TCF7L2: variants seen among roughly 807,000 people sequenced by gnomAD.
TCF7L2 encodes the protein transcription factor 7-like 2.
Under a neutral mutation model 77.9 loss-of-function variants are expected in TCF7L2, and 23 were observed. That is an observed-to-expected ratio of 0.30 (90% CI 0.21 to 0.42). The LOEUF (loss-of-function observed/expected upper bound fraction) is 0.42, where lower values mean the gene tolerates loss of function less well. TCF7L2 is among the 10% of genes least tolerant of loss of function. TCF7L2 has a pLI of 1.00. For synonymous variants in TCF7L2, 413 were observed against 340.2 expected (o/e 1.21, Z -2.36); for missense variants, 654 against 793.1 (o/e 0.82, Z 2.11).
chr10:113,054,515 T>C (rs1591068002), intron 5 of TCF7L2, among the ~76,000 whole-genome samples: 1 of 152,302 alleles, frequency 6.6e-6, no homozygotes, highest in African/African-American at 2.4e-5. Flanking sequence ...TGTCTGATTG[T>C]TCTGTCTGTT....
At chr10:113,078,858 A>C (rs1353061136) in intron 5 of TCF7L2, among the ~76,000 whole-genome samples, 1 of 146,478 alleles carries the variant, frequency 6.8e-6, no homozygotes, top group Admixed American at 6.8e-5. Flanking sequence ...TCTGAGATGG[A>C]ATTTTGCTCT....
Position 112,988,441 on chromosome 10 carries a change from G to C in TCF7L2, c.450+23817G>C, listed in dbSNP as rs536651008. Among the ~76,000 whole-genome samples, 13 of 152,278 alleles carry C rather than the reference G, an allele frequency of 8.5e-5. No homozygotes were observed. In the East Asian group the frequency reaches 2.5e-3, roughly 29 times the overall value. ...TTCTGTCTTATGTACCACTTCCCTTGGCTCAAGGCGTCCTTTTTATCTTTC... is the reference window on the plus strand; with the variant it reads ...TTCTGTCTTATGTACCACTTCCCTTCGCTCAAGGCGTCCTTTTTATCTTTC... On this transcript the variant is annotated intron_variant, in intron 4 of 13. Transcript: ENST00000627217.
At chr10:113,094,197 G>T (rs1387954223) in intron 5 of TCF7L2, among the ~76,000 whole-genome samples, 1 of 152,224 alleles carries the variant, frequency 6.6e-6, no homozygotes, top group Admixed American at 6.5e-5. Context: ...CGCTAAATTT[G>T]CCAAGCTAGA....
chr10:113,004,766 G>A (rs555670676), intron 4 of TCF7L2, among the ~76,000 whole-genome samples: 6 of 152,058 alleles, frequency 3.9e-5, no homozygotes, highest in Non-Finnish European at 5.9e-5. Context: ...TCCGCCTCCC[G>A]GGTTCAAGCG....
intron 5 of TCF7L2, among the ~76,000 whole-genome samples, chr10:113,042,393 A>G (rs1319162104): frequency 6.6e-6 from 1 of 152,138 alleles, no homozygotes. Flanking sequence ...GCTCAAGGGG[A>G]TCTGGGAATG....
chr10:113,048,176 A>C (rs1241193823), intron 5 of TCF7L2, among the ~76,000 whole-genome samples: 1 of 152,118 alleles, frequency 6.6e-6, no homozygotes, highest in Admixed American at 6.5e-5. Flanking sequence ...CTGTTTACGA[A>C]GCGTGGGAGC....
chr10:113,146,000 C>T lies in TCF7L2; in HGVS notation c.789-11C>T, dbSNP rs2069329939. ...GTTTCAAGTCTCTTACTTTGTACCC[C>T]TTCTTTGTAGGCAAGGTCAACCAGT... On this transcript the variant is annotated splice_polypyrimidine_tract_variant and intron_variant, in intron 7 of 13. Coordinates refer to ENST00000627217, the MANE Select transcript of TCF7L2 (RefSeq NM_001146274.2). 1.9e-6 allele frequency: 3 copies of T among 1,592,590 alleles called. No individual in the cohort carries two copies. The highest frequency in any genetic ancestry group is 3.3e-4 in the Middle Eastern group (2 of 6,024).
intron 4 of TCF7L2, among the ~76,000 whole-genome samples, chr10:113,018,286 CTGT>C (rs1215605442): frequency 6.6e-6 from 1 of 151,954 alleles, no homozygotes; most frequent in African/African-American, 2.4e-5. Context: ...GAGTGTTGCC[CTGT>C]TGTTCTCTGC....
intron 5 of TCF7L2, among the ~76,000 whole-genome samples, chr10:113,119,683 A>T (rs997152602): frequency 3.7e-4 from 56 of 150,288 alleles, no homozygotes; most frequent in African/African-American, 1.4e-3. Flanking sequence ...TTTTTTTTTA[A>T]AAAAACTTAT....
At chr10:113,154,397 C>G in intron 11 of TCF7L2, among the ~76,000 whole-genome samples, 1 of 152,176 alleles carries the variant, frequency 6.6e-6, no homozygotes, top group Non-Finnish European at 1.5e-5. Context: ...AATGATACCA[C>G]AGAGCGGAAT....
intron 13 of TCF7L2, among the ~76,000 whole-genome samples, chr10:113,164,596 T>TAAA (rs34634002): frequency 5.7e-5 from 8 of 141,382 alleles, no homozygotes; most frequent in Non-Finnish European, 9.2e-5. Flanking sequence ...CCCCAAATCT[T>TAAA]AAAAAAAAAA....
intron 4 of TCF7L2, among the ~76,000 whole-genome samples, chr10:113,035,521 C>T (rs775482771): frequency 2.0e-5 from 3 of 152,160 alleles, no homozygotes; most frequent in Non-Finnish European, 4.4e-5. Flanking sequence ...GGTGCAATCA[C>T]GGCTCCTGCA....
rs1454571978 is a variant in TCF7L2, at chr10:112,951,245, A to G, written c.228A>G (p.Arg76=). The G allele has an allele frequency of 6.4e-7, 1 of 1,570,818 alleles. No homozygotes were observed. The highest frequency in any genetic ancestry group is 8.6e-7 in the Non-Finnish European group (1 of 1,161,636). Residue 76 remains arginine, a synonymous_variant, in exon 2 of 14, where the codon CGA becomes CGG. Coordinates refer to ENST00000627217, the MANE Select transcript of TCF7L2 (RefSeq NM_001146274.2). ...CTCCGCCTCGCTCCGAAAGTTTCCGAGACAAATCCCGGGAAAGTTTGGAAG... is the reference window on the plus strand; with the variant it reads ...CTCCGCCTCGCTCCGAAAGTTTCCGGGACAAATCCCGGGAAAGTTTGGAAG...
At chr10:113,071,514 T>C (rs1591318414) in intron 5 of TCF7L2, among the ~76,000 whole-genome samples, 1 of 152,096 alleles carries the variant, frequency 6.6e-6, no homozygotes, top group Non-Finnish European at 1.5e-5. Flanking sequence ...CCTTTTCTCG[T>C]CTTTATTCTC....
At chr10:113,050,346 A>G (rs1463297683) in intron 5 of TCF7L2, among the ~76,000 whole-genome samples, 1 of 152,212 alleles carries the variant, frequency 6.6e-6, no homozygotes, top group Non-Finnish European at 1.5e-5. Context: ...TGAGAGCGGT[A>G]CAGCCTTGGG....
In TCF7L2 at chr10:112,985,747, G is replaced by GC. The variant is rs202223977; in HGVS notation, c.450+21131dup. 6.3e-3 allele frequency among the ~76,000 whole-genome samples: 961 copies of GC among 151,628 alleles called. 13 individuals carry two copies. Among genetic ancestry groups the GC allele is most frequent in the South Asian group, 0.021 (101 of 4,766 alleles). On this transcript the variant is annotated intron_variant, in intron 4 of 13. Coordinates refer to ENST00000627217, the MANE Select transcript of TCF7L2 (RefSeq NM_001146274.2). ...TGGGTGGGGTCCCCTAGAGGTGAAT[G>GC]CCCCCCCCTTCACTTGGGATGGAGG... is the stretch of plus-strand genomic sequence containing the variant.
chr10:113,142,632 G>A (rs2068579250), intron 6 of TCF7L2, among the ~76,000 whole-genome samples: 1 of 152,192 alleles, frequency 6.6e-6, no homozygotes, highest in Non-Finnish European at 1.5e-5. Context: ...CCACACATGA[G>A]CTGGGTTTTA....
intron 4 of TCF7L2, among the ~76,000 whole-genome samples, chr10:113,018,884 G>A (rs746399933): frequency 2.0e-5 from 3 of 152,154 alleles, no homozygotes; most frequent in East Asian, 1.9e-4. Flanking sequence ...GGCCAGCTGC[G>A]GTGCTGGGAG....
chr10:113,107,145 T>C (rs2062431449), intron 5 of TCF7L2, among the ~76,000 whole-genome samples: 1 of 152,174 alleles, frequency 6.6e-6, no homozygotes, highest in Admixed American at 6.5e-5. Flanking sequence ...TCTCATTATG[T>C]AATGTTAAAC....
Sources: gnomAD v4.1 joint callset for allele counts (sites outside exome capture counted in the v4.1 genomes callset) on GRCh38, gnomAD v4.1.1 for gene constraint, MANE v1.5 for transcripts, NCBI Gene and HGNC (gene_info 2026-07-23, HGNC 2026-07-21) for gene names.